PACRG: variants seen among roughly 807,000 people sequenced by gnomAD.
The protein encoded by PACRG is parkin coregulated, also known as parkin coregulated gene protein.
In PACRG, 29 loss-of-function variants were observed where a neutral mutation model predicts 29.7. The observed-to-expected ratio is 0.98, with a 90% CI of 0.73 to 1.33. The LOEUF (loss-of-function observed/expected upper bound fraction) is 1.33, where lower values mean the gene tolerates loss of function less well. Ranked by LOEUF, PACRG falls within the 40% of genes most tolerant of loss-of-function variation. The pLI is 0.00. For missense variants in PACRG, 279 were observed against 316.2 expected (o/e 0.88, Z 0.89); for synonymous variants, 116 against 118.7 (o/e 0.98, Z 0.15).
chr6:163,259,269 G>A (rs1783229872), intron 4 of PACRG, among the ~76,000 whole-genome samples: 1 of 152,192 alleles, frequency 6.6e-6, no homozygotes, highest in Non-Finnish European at 1.5e-5. Context: ...GATGTTCTAT[G>A]CTAAGACTGG....
chr6:162,899,368 A>ATGAGTC (rs1795391839), intron 2 of PACRG, among the ~76,000 whole-genome samples: 1 of 152,090 alleles, frequency 6.6e-6, no homozygotes, highest in African/African-American at 2.4e-5. Flanking sequence ...CCTCCCAGGA[A>ATGAGTC]TGAGTCAGGG....
chr6:162,837,024 A>G (rs1007581552), intron 2 of PACRG, among the ~76,000 whole-genome samples: 1 of 151,320 alleles, frequency 6.6e-6, no homozygotes, highest in African/African-American at 2.4e-5. Context: ...AAATTTAAGT[A>G]TTTTTTTTTA....
chr6:163,269,818 A>C (rs1562349251), intron 4 of PACRG, among the ~76,000 whole-genome samples: 3 of 56,416 alleles, frequency 5.3e-5, no homozygotes, highest in African/African-American at 1.8e-4. Flanking sequence ...GGAAGGAAGG[A>C]AGGAGAAAGA....
At chr6:163,133,398 G>A (rs1816810592) in intron 4 of PACRG, among the ~76,000 whole-genome samples, 1 of 152,164 alleles carries the variant, frequency 6.6e-6, no homozygotes, top group Non-Finnish European at 1.5e-5. Context: ...GTTTATCATG[G>A]AAGAGAAGAA....
At chr6:163,308,075 G>T (rs1785257670) in intron 4 of PACRG, among the ~76,000 whole-genome samples, 1 of 151,916 alleles carries the variant, frequency 6.6e-6, no homozygotes, top group Non-Finnish European at 1.5e-5. Context: ...TTTAATCTAG[G>T]TATTGAAACT....
Position 162,936,130 on chromosome 6 carries a change from G to T in PACRG, c.291+121849G>T, listed in dbSNP as rs141036000. 3.3e-5 allele frequency among the ~76,000 whole-genome samples: 5 copies of T among 152,228 alleles called. No homozygotes were observed. In the East Asian group the frequency reaches 9.7e-4, roughly 29 times the overall value. ...AGAGAATGAGAGTCAAGCTAAAGGG[G>T]TTTCCCCTTATAAAACCATCAGATC... On this transcript the variant is annotated intron_variant, in intron 2 of 4. Coordinates refer to ENST00000366888, the MANE Select transcript of PACRG (RefSeq NM_001080379.2).
chr6:163,085,564 A>C (rs1813482321), intron 3 of PACRG, among the ~76,000 whole-genome samples: 1 of 152,176 alleles, frequency 6.6e-6, no homozygotes, highest in African/African-American at 2.4e-5. Context: ...GTATCTTTCT[A>C]CTATCTCTTG....
intron 4 of PACRG, among the ~76,000 whole-genome samples, chr6:163,204,439 A>G (rs1269896791): frequency 2.6e-5 from 4 of 152,160 alleles, no homozygotes; most frequent in Admixed American, 2.0e-4. Context: ...TTTTATATGC[A>G]TATGGGAAAC....
rs1167434790 is a variant in PACRG at position 163,269,894 on chromosome 6, C to CAAAGAAAGAAAGAAAGAAAG, written c.614-44917_614-44898dup. Among the ~76,000 whole-genome samples, 5 of 18,716 alleles carry CAAAGAAAGAAAGAAAGAAAG rather than the reference C, an allele frequency of 2.7e-4. 2 individuals carry two copies. Among genetic ancestry groups the CAAAGAAAGAAAGAAAGAAAG allele is most frequent in the Admixed American group, 4.8e-4 (1 of 2,100 alleles). The allele number at this position is 18,716 out of a possible 152,430, so 12.3% of individuals were successfully genotyped here. ...GAAAGAAAGAAAGAAAGAAAGAAAA[C>CAAAGAAAGAAAGAAAGAAAG]AAAGAAAGAAAGAAAGAAAGAAAGA... On this transcript the variant is annotated intron_variant, in intron 4 of 4. Coordinates refer to ENST00000366888, the MANE Select transcript of PACRG (RefSeq NM_001080379.2).
intron 4 of PACRG, chr6:163,165,409 C>A (rs1019069544): frequency 6.6e-6 from 1 of 152,204 alleles, no homozygotes; most frequent in East Asian, 1.9e-4. Context: ...ACCCAAAGAA[C>A]GCACCAAATC....
At chr6:163,155,566 T>C (rs184112398) in intron 4 of PACRG, among the ~76,000 whole-genome samples, 1 of 152,222 alleles carries the variant, frequency 6.6e-6, no homozygotes, top group South Asian at 2.1e-4. Context: ...CTCTAGAAAC[T>C]TTTTGGAGTG....
intron 2 of PACRG, among the ~76,000 whole-genome samples, chr6:162,833,516 CAA>C (rs1274593726): frequency 6.6e-6 from 1 of 151,988 alleles, no homozygotes; most frequent in African/African-American, 2.4e-5. Flanking sequence ...TTTGAAAAAA[CAA>C]TATGTTGTTT....
chr6:162,771,372 T>C (rs1462835915), intron 1 of PACRG, among the ~76,000 whole-genome samples: 1 of 152,150 alleles, frequency 6.6e-6, no homozygotes, highest in African/African-American at 2.4e-5. Context: ...CCATTCCTCT[T>C]CCAGGGTTAT....
At chr6:162,822,603 G>A (rs532323012) in intron 2 of PACRG, among the ~76,000 whole-genome samples, 3 of 151,986 alleles carry the variant, frequency 2.0e-5, no homozygotes, top group Non-Finnish European at 4.4e-5. Flanking sequence ...AACCTTTGTA[G>A]CCATAAATTC....
At chr6:163,086,142 T>C (rs1813537305) in intron 3 of PACRG, among the ~76,000 whole-genome samples, 1 of 151,564 alleles carries the variant, frequency 6.6e-6, no homozygotes, top group Non-Finnish European at 1.5e-5. Context: ...CCCCAATCCT[T>C]AGAACATTTC....
intron 2 of PACRG, among the ~76,000 whole-genome samples, chr6:162,910,028 T>G (rs77845458): frequency 0.02 from 2,997 of 152,296 alleles, 101 homozygotes; most frequent in African/African-American, 0.069. Context: ...GGGCTCAGAT[T>G]CTTGCGTCTT....
chr6:163,313,171 T>C (rs887026207), intron 4 of PACRG, among the ~76,000 whole-genome samples: 1 of 151,872 alleles, frequency 6.6e-6, no homozygotes, highest in Non-Finnish European at 1.5e-5. Context: ...TAAATTGAAA[T>C]TCAGCTTTAC....
chr6:162,866,146 A>G (rs2128447421), intron 2 of PACRG, among the ~76,000 whole-genome samples: 1 of 152,314 alleles, frequency 6.6e-6, no homozygotes, highest in Non-Finnish European at 1.5e-5. Flanking sequence ...ACCCAAACTC[A>G]TTTTTACCAG....
intron 4 of PACRG, among the ~76,000 whole-genome samples, chr6:163,267,779 G>A (rs779792685): frequency 2.6e-5 from 4 of 152,140 alleles, no homozygotes; most frequent in Admixed American, 6.5e-5. Context: ...ACTAAGCAAG[G>A]AAACTCCCAT....
Sources: allele counts gnomAD v4.1 joint callset (sites outside exome capture counted in the v4.1 genomes callset), GRCh38; gene constraint gnomAD v4.1.1; transcripts MANE v1.5; gene names NCBI Gene and HGNC (gene_info 2026-07-23, HGNC 2026-07-21).